Variants in ALK observed in about 807,000 individuals in gnomAD.
The protein encoded by ALK is ALK tyrosine kinase receptor.
In ALK, 74 loss-of-function variants were observed where a neutral mutation model predicts 163.1. The observed-to-expected ratio is 0.45, with a 90% CI of 0.38 to 0.55. ALK has a LOEUF of 0.55. ALK is among the 20% of genes least tolerant of loss of function. ALK has a pLI of 0.00. For synonymous variants in ALK, 960 were observed against 843.2 expected, an observed-to-expected ratio of 1.14 and a Z score of -2.40; for missense variants, 2,063 against 2,105.3, an observed-to-expected ratio of 0.98 and a Z score of 0.39.
At chr2:29,874,281 T>G (rs759551161) in intron 1 of ALK, among the ~76,000 whole-genome samples, 4 of 139,414 alleles carry the variant, frequency 2.9e-5, no homozygotes, top group Non-Finnish European at 4.7e-5. Context: ...GTTTGATGAC[T>G]GTCAACTCAA....
intron 3 of ALK, among the ~76,000 whole-genome samples, chr2:29,677,413 T>C (rs1339948823): frequency 6.6e-6 from 1 of 151,970 alleles, no homozygotes; most frequent in African/African-American, 2.4e-5. Flanking sequence ...TTGTTAGGTA[T>C]GGGTATTTCA....
intron 2 of ALK, among the ~76,000 whole-genome samples, chr2:29,712,634 G>A (rs1425566766): frequency 6.6e-6 from 1 of 151,570 alleles, no homozygotes; most frequent in Admixed American, 6.6e-5. Context: ...TTTTTTGAGA[G>A]AGAGATATTT....
intron 4 of ALK, among the ~76,000 whole-genome samples, chr2:29,523,109 A>G (rs1325955135): frequency 6.6e-6 from 1 of 152,144 alleles, no homozygotes; most frequent in African/African-American, 2.4e-5. Flanking sequence ...GAGCCAGGAT[A>G]AGGAACCCCG....
intron 3 of ALK, among the ~76,000 whole-genome samples, chr2:29,544,185 C>G (rs1180882063): frequency 2.0e-5 from 3 of 152,164 alleles, no homozygotes; most frequent in African/African-American, 4.8e-5. Context: ...GTAATGCATG[C>G]AGGCCTCACC....
chr2:29,436,605 C>T (rs1430636260), intron 4 of ALK, among the ~76,000 whole-genome samples: 1 of 152,196 alleles, frequency 6.6e-6, no homozygotes, highest in Admixed American at 6.5e-5. Flanking sequence ...AGAAAAGCCC[C>T]TTTCAACAGA....
chr2:29,874,459 A>G (rs114551805), intron 1 of ALK, among the ~76,000 whole-genome samples: 5 of 152,310 alleles, frequency 3.3e-5, no homozygotes, highest in Non-Finnish European at 7.4e-5. Flanking sequence ...AATTTGGACA[A>G]TTTAAGTCAG....
intron 1 of ALK, among the ~76,000 whole-genome samples, chr2:29,827,129 C>G (rs1665225707): frequency 6.6e-6 from 1 of 152,160 alleles, no homozygotes; most frequent in Non-Finnish European, 1.5e-5. Flanking sequence ...GAAAAGAGAG[C>G]TTAAAGACAT....
At chr2:29,767,910 C>T (rs1395200313) in intron 1 of ALK, among the ~76,000 whole-genome samples, 1 of 152,190 alleles carries the variant, frequency 6.6e-6, no homozygotes, top group East Asian at 1.9e-4. Context: ...TCTTCTAGCC[C>T]CAGTCTGGGG....
intron 24 of ALK, among the ~76,000 whole-genome samples, chr2:29,210,742 C>T (rs887342340): frequency 6.6e-6 from 1 of 152,130 alleles, no homozygotes; most frequent in African/African-American, 2.4e-5. Context: ...GTTCTTTTGT[C>T]CATGATTTTA....
chr2:29,226,315 T>C (rs1394565320), intron 18 of ALK, among the ~76,000 whole-genome samples: 3 of 151,604 alleles, frequency 2.0e-5, no homozygotes, highest in Non-Finnish European at 2.9e-5. Flanking sequence ...CTGTCTCTAC[T>C]GAAAATATGA....
chr2:29,495,183 G>T (rs1671995303), intron 4 of ALK, among the ~76,000 whole-genome samples: 1 of 152,154 alleles, frequency 6.6e-6, no homozygotes, highest in Non-Finnish European at 1.5e-5. Flanking sequence ...GCCTACCCCA[G>T]CTCTGCTCCC....
intron 10 of ALK, 72 bp downstream of exon 10, chr2:29,275,330 C>T: frequency 6.2e-7 from 1 of 1,610,046 alleles, no homozygotes; most frequent in Non-Finnish European, 8.5e-7. Flanking sequence ...CAGGCTTAGG[C>T]TGAGGAGGGG....
intron 8 of ALK, among the ~76,000 whole-genome samples, chr2:29,317,022 T>A (rs12470764): frequency 0.71 from 108,240 of 152,120 alleles, 41,936 homozygotes; most frequent in East Asian, 0.92. Flanking sequence ...CATTTCTACA[T>A]CTTTTCCATT....
chr2:29,670,443 A>G (rs1677646026), intron 3 of ALK, among the ~76,000 whole-genome samples: 1 of 151,978 alleles, frequency 6.6e-6, no homozygotes, highest in South Asian at 2.1e-4. Context: ...TGACTGCAGC[A>G]TCCTCTCTTT....
intron 4 of ALK, among the ~76,000 whole-genome samples, chr2:29,390,171 G>T (rs1366319178): frequency 6.6e-6 from 1 of 152,102 alleles, no homozygotes; most frequent in East Asian, 1.9e-4. Context: ...GTTTTTCCGA[G>T]GCTTTATTCC....
chr2:29,880,223 G>C (rs1312271144), intron 1 of ALK, among the ~76,000 whole-genome samples: 1 of 152,124 alleles, frequency 6.6e-6, no homozygotes, highest in East Asian at 1.9e-4. Flanking sequence ...TCTCCATCCT[G>C]CTCCATACCT....
chr2:29,328,229 G>A, intron 6 of ALK, 121 bp downstream of exon 6: 1 of 1,425,276 alleles, frequency 7.0e-7, no homozygotes, highest in Admixed American at 1.7e-5. Flanking sequence ...CATGAGAGGA[G>A]TCACAAGTGT....
intron 8 of ALK, 39 bp downstream of exon 8, chr2:29,318,265 G>C (rs369424858): frequency 6.6e-7 from 1 of 1,517,384 alleles, no homozygotes; most frequent in Non-Finnish European, 9.2e-7. Flanking sequence ...CAAGAGGTGG[G>C]AGGAGAAATT....
rs987433112 is a variant in ALK, at chr2:29,920,593, T to C, written c.67A>G (p.Met23Val). Reference protein sequence around the residue: ...LLSTAAVGSGMGTGQRAGSPA... With the variant: ...LLSTAAVGSGVGTGQRAGSPA... ...GAGCCCGCGCGCTGGCCGGTCCCCA[T>C]CCCGGAGCCCACAGCTGCCGTGGAA... Residue 23 changes from methionine to valine, a missense_variant, in exon 1 of 29, where the codon ATG (methionine) becomes GTG (valine). Around this residue, in one of 5 missense-constraint regions of ALK, gnomAD observed 987 missense variants for 939.5 expected, o/e 1.05. Transcript: ENST00000389048. 2 of 1,569,268 alleles carry C rather than the reference T, an allele frequency of 1.3e-6. No homozygotes were observed. The highest frequency in any genetic ancestry group is 1.4e-5 in the African/African-American group (1 of 74,024).
Sources: allele counts gnomAD v4.1 joint callset (sites outside exome capture counted in the v4.1 genomes callset), GRCh38; gene constraint gnomAD v4.1.1; regional missense constraint gnomAD v4.1.1; transcripts MANE v1.5; gene names NCBI Gene and HGNC (gene_info 2026-07-23, HGNC 2026-07-21).